CDH18: variants seen among roughly 807,000 people sequenced by gnomAD.
CDH18 encodes the protein cadherin 18.
A neutral mutation model predicts 67.9 loss-of-function variants in CDH18; 31 were observed. That is an observed-to-expected ratio of 0.46 (90% CI 0.34 to 0.62). The LOEUF is 0.62. Among genes scored for constraint, CDH18 ranks in the 20% least tolerant of loss-of-function variants. The pLI, the probability that CDH18 is intolerant of heterozygous loss-of-function variation, is 0.01. For synonymous variants in CDH18, 362 were observed against 347.2 expected, an observed-to-expected ratio of 1.04 and a Z score of -0.48; for missense variants, 890 against 975.5, an observed-to-expected ratio of 0.91 and a Z score of 1.17.
At chr5:19,659,526 T>C (rs527512169) in intron 5 of CDH18, among the ~76,000 whole-genome samples, 7 of 152,182 alleles carry the variant, frequency 4.6e-5, no homozygotes, top group African/African-American at 1.4e-4. Context: ...AATATGAGAG[T>C]GCCAAATTAT....
intron 1 of CDH18, among the ~76,000 whole-genome samples, chr5:20,313,501 G>C (rs987004141): frequency 6.6e-6 from 1 of 151,904 alleles, no homozygotes; most frequent in South Asian, 2.1e-4. Context: ...ACTCAATAAA[G>C]TACCTCCACT....
At chr5:19,632,396 T>C (rs564099344) in intron 5 of CDH18, among the ~76,000 whole-genome samples, 1 of 152,338 alleles carries the variant, frequency 6.6e-6, no homozygotes, top group East Asian at 1.9e-4. Flanking sequence ...TCCAACTGGA[T>C]GCATTTATAA....
At chr5:19,856,217 G>T (rs146371913) in intron 2 of CDH18, among the ~76,000 whole-genome samples, 1 of 152,188 alleles carries the variant, frequency 6.6e-6, no homozygotes, top group Non-Finnish European at 1.5e-5. Context: ...TCCCAGGCTC[G>T]ATTCAAGACC....
At chr5:20,253,060 C>T (rs1160721523) in intron 2 of CDH18, among the ~76,000 whole-genome samples, 1 of 152,012 alleles carries the variant, frequency 6.6e-6, no homozygotes, top group African/African-American at 2.4e-5. Context: ...TACATGCAAC[C>T]ATCTCATGCA....
At chr5:20,013,082 A>G (rs921918403) in intron 2 of CDH18, among the ~76,000 whole-genome samples, 4 of 152,100 alleles carry the variant, frequency 2.6e-5, no homozygotes, top group Admixed American at 6.6e-5. Context: ...AGTTTTTTTA[A>G]AAGTAGTTTC....
At chr5:19,474,975 A>T (rs904613641) in intron 12 of CDH18, among the ~76,000 whole-genome samples, 1 of 152,062 alleles carries the variant, frequency 6.6e-6, no homozygotes, top group Non-Finnish European at 1.5e-5. Flanking sequence ...TACTAGGCTG[A>T]GTATTATTTA....
chr5:20,307,342 A>T (rs1239417930), intron 1 of CDH18, among the ~76,000 whole-genome samples: 1 of 152,134 alleles, frequency 6.6e-6, no homozygotes, highest in Admixed American at 6.5e-5. Context: ...AGGGCAGAGT[A>T]GATGTGGGGA....
intron 2 of CDH18, among the ~76,000 whole-genome samples, chr5:19,862,277 C>T (rs1389827895): frequency 6.6e-6 from 1 of 152,102 alleles, no homozygotes; most frequent in Non-Finnish European, 1.5e-5. Flanking sequence ...ATGTTTGTAG[C>T]ACTGAGGAAA....
chr5:20,464,385 C>T (rs1357739527), intron 1 of CDH18, among the ~76,000 whole-genome samples: 1 of 152,076 alleles, frequency 6.6e-6, no homozygotes, highest in Non-Finnish European at 1.5e-5. Context: ...CAGAAGCGGC[C>T]ATGGAACATA....
upstream of CDH18, among the ~76,000 whole-genome samples, chr5:19,991,498 A>G (rs1181106301): frequency 5.3e-5 from 8 of 152,322 alleles, no homozygotes; most frequent in Non-Finnish European, 8.8e-5. Flanking sequence ...TGATTTTTAT[A>G]TAAAGAAAAA....
chr5:20,113,600 A>G (rs1166297853), intron 2 of CDH18, among the ~76,000 whole-genome samples: 1 of 152,218 alleles, frequency 6.6e-6, no homozygotes, highest in Non-Finnish European at 1.5e-5. Context: ...TATTACAACA[A>G]AAGGTATTTC....
At chr5:19,754,104 C>T (rs1249072251) in intron 3 of CDH18, among the ~76,000 whole-genome samples, 3 of 151,558 alleles carry the variant, frequency 2.0e-5, no homozygotes, top group East Asian at 1.9e-4. Flanking sequence ...ACAAAAAAAC[C>T]CCCAAAAAAC....
At chr5:20,149,175 A>G (rs1368186743) in intron 2 of CDH18, among the ~76,000 whole-genome samples, 1 of 152,176 alleles carries the variant, frequency 6.6e-6, no homozygotes, top group East Asian at 1.9e-4. Context: ...TTCCTCTAGT[A>G]ATCAATTTTA....
chr5:19,520,844 A>C (rs1334254575), intron 9 of CDH18, 66 bp from the exon 10 acceptor site: 3 of 1,543,616 alleles, frequency 1.9e-6, no homozygotes, highest in Non-Finnish European at 2.7e-6. Context: ...TTTAAAACAA[A>C]TCTCTTTAAT....
intron 12 of CDH18, among the ~76,000 whole-genome samples, chr5:19,476,559 T>G (rs563385068): frequency 6.6e-6 from 1 of 152,046 alleles, no homozygotes; most frequent in Non-Finnish European, 1.5e-5. Flanking sequence ...CATCCTCAAG[T>G]AATTCACTCC....
rs1339258519 is a variant in CDH18 at position 19,685,152 on chromosome 5, C to T, written c.643+36195G>A. Among the ~76,000 whole-genome samples the T allele has an allele frequency of 4.6e-5, 7 of 152,194 alleles. No homozygotes were observed. The East Asian group carries it at 5.8e-4, about 13-fold the overall frequency. On this transcript the variant is annotated intron_variant, in intron 5 of 12. Coordinates refer to ENST00000382275, the MANE Select transcript of CDH18 (RefSeq NM_004934.5). ...CTCTCAGAAGCAGATATTTATACTA[C>T]GATACAAATACAAATGTCAAGTAGG...
At chr5:19,499,282 C>T (rs1200960401) in intron 11 of CDH18, among the ~76,000 whole-genome samples, 2 of 152,034 alleles carry the variant, frequency 1.3e-5, no homozygotes, top group Non-Finnish European at 2.9e-5. Flanking sequence ...CTATCTGATC[C>T]CACTTCTTTT....
intron 8 of CDH18, among the ~76,000 whole-genome samples, chr5:19,563,888 G>A (rs565351179): frequency 1.3e-5 from 2 of 152,290 alleles, no homozygotes; most frequent in South Asian, 4.1e-4. Flanking sequence ...TGGCAGCAGA[G>A]CACAAAGAGA....
chr5:19,674,606 G>A (rs1759213765), intron 5 of CDH18, among the ~76,000 whole-genome samples: 1 of 151,964 alleles, frequency 6.6e-6, no homozygotes, highest in Non-Finnish European at 1.5e-5. Context: ...ATACAACAGG[G>A]CATAAAAAGG....
Sources: gnomAD v4.1 joint callset for allele counts (sites outside exome capture counted in the v4.1 genomes callset) on GRCh38, gnomAD v4.1.1 for gene constraint, MANE v1.5 for transcripts, NCBI Gene and HGNC (gene_info 2026-07-23, HGNC 2026-07-21) for gene names.